CEACAM4: variants seen among roughly 807,000 people sequenced by gnomAD.
CEACAM4 encodes the protein cell adhesion molecule CEACAM4.
Under a neutral mutation model 28.7 loss-of-function variants are expected in CEACAM4, and 30 were observed. The ratio of observed to expected loss-of-function variants is 1.05; its 90% CI spans 0.78 to 1.42. CEACAM4 has a LOEUF of 1.42. Ranked by LOEUF, CEACAM4 falls within the 40% of genes most tolerant of loss-of-function variation. The probability of loss-of-function intolerance (pLI) is 0.00; values close to 1 mark genes in which losing one functional copy is unlikely to be tolerated. For synonymous variants in CEACAM4, 143 were observed against 126.5 expected (o/e 1.13, Z -0.87); for missense variants, 330 against 308.2 (o/e 1.07, Z -0.53).
At chr19:41,613,551 CA>C in the CEACAM4 span, among the ~76,000 whole-genome samples, 1 of 151,766 alleles carries the variant, frequency 6.6e-6, no homozygotes, top group African/African-American at 2.4e-5. Context: ...ACACAGAGGT[CA>C]GGGGCAGTAT....
chr19:41,620,286 C>T, intron 4 of CEACAM4, 44 bp from the exon 5 acceptor site: 1 of 1,422,064 alleles, frequency 7.0e-7, no homozygotes, highest in South Asian at 1.6e-5. Flanking sequence ...GGAGGAGAGC[C>T]TGGGCCCCTC....
chr19:41,625,527 C>G, intron 2 of CEACAM4, 74 bp downstream of exon 2: 1 of 1,519,286 alleles, frequency 6.6e-7, no homozygotes. Context: ...GCAGGCACAG[C>G]CCAGGCCTGA....
intron 4 of CEACAM4, 24 bp downstream of exon 4, chr19:41,620,550 AC>A: frequency 6.2e-7 from 1 of 1,605,048 alleles, no homozygotes; most frequent in Non-Finnish European, 8.5e-7. Context: ...AGGGGCTCCC[AC>A]ACCTGGGCTG....
At chr19:41,620,846 T>G (rs782121276) in intron 3 of CEACAM4, among the ~76,000 whole-genome samples, 1 of 151,796 alleles carries the variant, frequency 6.6e-6, no homozygotes, top group Non-Finnish European at 1.5e-5. Flanking sequence ...CCCAGGCAGA[T>G]GCCGGGTGAG....
downstream of CEACAM4, among the ~76,000 whole-genome samples, chr19:41,615,411 A>G (rs1555798704): frequency 6.6e-6 from 1 of 151,940 alleles, no homozygotes; most frequent in African/African-American, 2.4e-5. Flanking sequence ...AGGTGTGTGG[A>G]GCCACAGGTA....
chr19:41,622,086 CTT>C (rs1358101181), intron 2 of CEACAM4, among the ~76,000 whole-genome samples: 1 of 148,274 alleles, frequency 6.7e-6, no homozygotes, highest in African/African-American at 2.5e-5. Context: ...TTTTCTTTTT[CTT>C]TTTTTTTTGG....
downstream of CEACAM4, among the ~76,000 whole-genome samples, chr19:41,617,157 G>A (rs782032115): frequency 6.6e-6 from 1 of 152,158 alleles, no homozygotes; most frequent in East Asian, 1.9e-4. Flanking sequence ...GTCACTGTCC[G>A]TGGTGCTGAT....
In CEACAM4 at chr19:41,621,702, A is replaced by C; in HGVS notation, c.491T>G (p.Val164Gly). Residue 164 changes from valine (V) to glycine (G), a missense_variant, in exon 3 of 7, where the codon GTG becomes GGG. Val to Gly is a moderately radical substitution (Grantham distance 109). Coordinates refer to ENST00000221954, the MANE Select transcript of CEACAM4 (RefSeq NM_001817.4). ...ACACACCAGGGCGGCCACCAGAGCC[A>C]CCCCAACCAGGACCCCAGTCACGAT... Reference protein sequence around the residue: ...AGIVTGVLVGVALVAALVCFL... With the variant: ...AGIVTGVLVGGALVAALVCFL... 3 of 1,612,954 alleles carry C rather than the reference A, an allele frequency of 1.9e-6. No individual in the cohort carries two copies. Among genetic ancestry groups the C allele is most frequent in the Middle Eastern group, 1.7e-4 (1 of 6,056 alleles).
At chr19:41,616,727 A>T (rs2122403420), downstream of CEACAM4, among the ~76,000 whole-genome samples, 1 of 152,262 alleles carries the variant, frequency 6.6e-6, no homozygotes, top group South Asian at 2.1e-4. Context: ...ATGGAGGAGC[A>T]GGATGCTGAG....
intron 2 of CEACAM4, among the ~76,000 whole-genome samples, chr19:41,622,712 A>G (rs1214016751): frequency 1.3e-5 from 2 of 152,192 alleles, no homozygotes; most frequent in African/African-American, 4.8e-5. Flanking sequence ...AAATAAGAAT[A>G]CTAGTTGATA....
intron 2 of CEACAM4, among the ~76,000 whole-genome samples, chr19:41,622,851 TATATAGATAGATAG>T (rs1159710878): frequency 3.6e-4 from 42 of 115,948 alleles, no homozygotes; most frequent in African/African-American, 1.8e-3. Context: ...TATATACATA[TATATAGATAGATAG>T]ATAGATAGAT....
At chr19:41,620,968 G>T (rs782571236) in intron 3 of CEACAM4, among the ~76,000 whole-genome samples, 3 of 151,980 alleles carry the variant, frequency 2.0e-5, no homozygotes, top group African/African-American at 7.3e-5. Context: ...AAGCAGGGCC[G>T]GCTGTGTGTG....
At chr19:41,613,518 C>A in the CEACAM4 span, among the ~76,000 whole-genome samples, 1 of 146,558 alleles carries the variant, frequency 6.8e-6, no homozygotes, top group Non-Finnish European at 1.5e-5. Context: ...CACACACACA[C>A]ATACACCCAC....
At chr19:41,623,157 C>T (rs1254859365) in intron 2 of CEACAM4, among the ~76,000 whole-genome samples, 1 of 152,196 alleles carries the variant, frequency 6.6e-6, no homozygotes, top group South Asian at 2.1e-4. Context: ...TCTAGGATTA[C>T]AGGCACCCAC....
chr19:41,619,458 C>T, intron 6 of CEACAM4, 63 bp from the exon 7 acceptor site: 1 of 1,601,398 alleles, frequency 6.2e-7, no homozygotes, highest in South Asian at 1.1e-5. Context: ...CTGGCATCTC[C>T]CAGGCTCTGG....
intron 2 of CEACAM4, among the ~76,000 whole-genome samples, chr19:41,624,771 G>C (rs1555803124): frequency 2.0e-5 from 3 of 152,190 alleles, no homozygotes. Flanking sequence ...ATGGAAAATG[G>C]TCTGAGGCTT....
intron 2 of CEACAM4, among the ~76,000 whole-genome samples, chr19:41,624,489 T>C (rs979870627): frequency 6.6e-6 from 1 of 152,200 alleles, no homozygotes; most frequent in African/African-American, 2.4e-5. Flanking sequence ...AGGCAGGTGA[T>C]TTAGTTAAGA....
chr19:41,621,609 T>G (rs1555801523), intron 3 of CEACAM4, 42 bp downstream of exon 3: 3 of 1,119,354 alleles, frequency 2.7e-6, no homozygotes, highest in Non-Finnish European at 4.0e-6. Context: ...CTGACTGGGG[T>G]CAGCCTAGGG....
intron 1 of CEACAM4, among the ~76,000 whole-genome samples, chr19:41,626,468 G>C (rs12459646): frequency 0.21 from 31,547 of 152,146 alleles, 3,870 homozygotes; most frequent in East Asian, 0.56. Context: ...GCCTGGCACA[G>C]GCTGCAGACT....
Sources: allele counts gnomAD v4.1 joint callset (sites outside exome capture counted in the v4.1 genomes callset), GRCh38; gene constraint gnomAD v4.1.1; transcripts MANE v1.5; gene names NCBI Gene and HGNC (gene_info 2026-07-23, HGNC 2026-07-21).